TRPV3: variants seen among roughly 807,000 people sequenced by gnomAD.
TRPV3 encodes the protein VRL-3.
A neutral mutation model predicts 87.1 loss-of-function variants in TRPV3; 88 were observed. The observed-to-expected ratio is 1.01, with a 90% CI of 0.85 to 1.21. TRPV3 has a LOEUF of 1.21. Among genes scored for constraint, TRPV3 ranks in the 50% most tolerant of loss-of-function variants. TRPV3 has a pLI of 0.00. For missense variants in TRPV3, 1,054 were observed against 1,030.1 expected (o/e 1.02, Z -0.32); for synonymous variants, 438 against 423.3 (o/e 1.03, Z -0.43).
At chr17:3,519,324 TTGGATGGATGGATGGA>T (rs148324359) in intron 14 of TRPV3, among the ~76,000 whole-genome samples, 5 of 146,628 alleles carry the variant, frequency 3.4e-5, no homozygotes, top group Admixed American at 2.7e-4. Context: ...TGCTGAATGG[TTGGATGGATGGATGGA>T]TGGATGGATG....
intron 7 of TRPV3, among the ~76,000 whole-genome samples, chr17:3,534,764 G>C (rs538496534): frequency 1.2e-4 from 18 of 151,930 alleles, no homozygotes; most frequent in Non-Finnish European, 1.8e-4. Flanking sequence ...AGATGCACTG[G>C]GCCCTGGCAC....
chr17:3,542,514 C>T lies in TRPV3; in HGVS notation c.643+8G>A, dbSNP rs779506960. 1 of 1,611,818 alleles carries T rather than the reference C, an allele frequency of 6.2e-7. No individual in the cohort carries two copies. Among genetic ancestry groups the T allele is most frequent in the South Asian group, 1.1e-5 (1 of 90,592 alleles). On this transcript the variant is annotated splice_region_variant and intron_variant, in intron 6 of 17. Coordinates refer to ENST00000576742, the MANE Select transcript of TRPV3 (RefSeq NM_145068.4). Reference sequence around the variant, plus strand: ...CCTGTCTGCACAGCCCCTCTGCAGGCAGGATACCTTCATAGGCCTCCTCTG... The same window carrying T: ...CCTGTCTGCACAGCCCCTCTGCAGGTAGGATACCTTCATAGGCCTCCTCTG...
chr17:3,551,947 A>ATC (rs1241625290), intron 2 of TRPV3, among the ~76,000 whole-genome samples: 1 of 130,982 alleles, frequency 7.6e-6, no homozygotes, highest in Non-Finnish European at 1.6e-5. Context: ...CAGTGGCACA[A>ATC]TCTCAGCTCA....
rs751015109 is a variant in TRPV3 at position 3,554,747 on chromosome 17, G to T, written c.104C>A (p.Thr35Asn). 4.3e-6 allele frequency: 7 copies of T among 1,611,044 alleles called. No homozygotes were observed. The Admixed American group carries it at 6.7e-5, about 15-fold the overall frequency. Residue 35 changes from threonine to asparagine, a missense_variant, in exon 2 of 18, where the codon ACC (threonine) becomes AAC (asparagine). Physicochemically the swap from Thr to Asn is moderately conservative, Grantham distance 65. Transcript: ENST00000576742. ...ILPEKRPAEITPTKKSAHFFL... is the reference protein window; with the variant it reads ...ILPEKRPAEINPTKKSAHFFL... ...CCAAACCCACCTCTTCTTTGTGGGG[G>T]TGATCTCCGCCGGCCTCTTCTCTGG... is the stretch of plus-strand genomic sequence containing the variant.
chr17:3,524,110 A>G, intron 13 of TRPV3, 88 bp downstream of exon 13: 1 of 1,523,790 alleles, frequency 6.6e-7, no homozygotes, highest in Non-Finnish European at 8.9e-7. Context: ...CCCTTGGTAA[A>G]CCCCTCTTCC....
intron 2 of TRPV3, 114 bp from the exon 3 acceptor site, chr17:3,545,385 C>G: frequency 1.4e-6 from 1 of 708,768 alleles, no homozygotes; most frequent in Non-Finnish European, 2.4e-6. Flanking sequence ...CCCTGGCCAG[C>G]TCTGAGCCCA....
Position 3,513,913 on chromosome 17 carries a change from G to T in TRPV3, c.*4C>A, listed in dbSNP as rs369789273. 1 of 1,613,386 alleles carries T rather than the reference G, an allele frequency of 6.2e-7. No individual in the cohort carries two copies. On this transcript the variant is annotated 3_prime_UTR_variant, in exon 18 of 18. Transcript: ENST00000576742. Reference sequence around the variant, plus strand: ...CACGCGCACACCAGCTCTGGGTTCCGCTTCTACACCGAGGTTTCCGGGAAT... The same window carrying T: ...CACGCGCACACCAGCTCTGGGTTCCTCTTCTACACCGAGGTTTCCGGGAAT...
At position 3,518,918 on chromosome 17, in the gene TRPV3, A is replaced by G. The variant is rs527978779; in HGVS notation, c.1811-68T>C. On this transcript the variant is annotated intron_variant, in intron 14 of 17. Transcript: ENST00000576742. The surrounding 1 kb of genome is among the most constrained non-coding windows in gnomAD (Gnocchi z 4.3). The stretch of plus-strand genomic sequence containing the variant: ...GTAATTACTCTACAAGCTTGCGTGT[A>G]TTTGCCTACATGACAAGCCTGCTGC... 2,549 of 1,510,894 alleles carry G rather than the reference A, an allele frequency of 1.7e-3. 8 individuals carry two copies. Among genetic ancestry groups the G allele is most frequent in the Non-Finnish European group, 2.0e-3 (2,206 of 1,120,424 alleles). 93.6% of individuals were successfully genotyped at this position (1,510,894 alleles called of 1,614,324 possible). A position where few individuals can be genotyped will look rare whatever the true frequency, so the allele number is the denominator to read the frequency against.
At chr17:3,521,484 G>A (rs979916273) in intron 13 of TRPV3, among the ~76,000 whole-genome samples, 1 of 152,190 alleles carries the variant, frequency 6.6e-6, no homozygotes, top group African/African-American at 2.4e-5. Flanking sequence ...ACAGCATGAT[G>A]ACTATAGTGA....
Position 3,532,786 on chromosome 17 carries a change from C to G in TRPV3, c.936G>C (p.Thr312=). The part of the protein sequence containing the change: ...ALVTVAEDFK[T]QNDFVKRMYD... ...ACATGCGCTTCACAAAGTCATTCTGCGTCTTGAAGTCCTCGGCCACGGTCA... is the reference window on the plus strand; with the variant it reads ...ACATGCGCTTCACAAAGTCATTCTGGGTCTTGAAGTCCTCGGCCACGGTCA... Residue 312 remains threonine, a synonymous_variant, in exon 8 of 18, where the codon ACG becomes ACC. Coordinates refer to ENST00000576742, the MANE Select transcript of TRPV3 (RefSeq NM_145068.4). 6.2e-7 allele frequency: 1 copy of G among 1,614,034 alleles called. No individual in the cohort carries two copies. Among genetic ancestry groups the G allele is most frequent in the Non-Finnish European group, 8.5e-7 (1 of 1,179,968 alleles).
intron 14 of TRPV3, among the ~76,000 whole-genome samples, 176 bp from the exon 15 acceptor site, chr17:3,519,026 T>C (rs2074208895): frequency 6.6e-6 from 1 of 152,208 alleles, no homozygotes; most frequent in Admixed American, 6.5e-5. Context: ...TGGCCTGGCC[T>C]CCTGCAGAAA....
chr17:3,515,511 A>G lies in TRPV3; in HGVS notation c.2199-839T>C, dbSNP rs183591303. On this transcript the variant is annotated intron_variant, in intron 16 of 17. Coordinates refer to ENST00000576742, the MANE Select transcript of TRPV3 (RefSeq NM_145068.4). ...CCTCGTCTCTAATAAAAATACAAAAATTATCCAGGCGTGGTGGCATATGCC... is the reference window on the plus strand; with the variant it reads ...CCTCGTCTCTAATAAAAATACAAAAGTTATCCAGGCGTGGTGGCATATGCC... 9.2e-5 allele frequency among the ~76,000 whole-genome samples: 14 copies of G among 152,152 alleles called. No individual in the cohort carries two copies. The East Asian group carries it at 2.7e-3, about 29-fold the overall frequency.
intron 8 of TRPV3, 33 bp downstream of exon 8, chr17:3,532,624 G>A (rs760859159): frequency 1.4e-5 from 22 of 1,608,758 alleles, no homozygotes; most frequent in African/African-American, 4.0e-5. Flanking sequence ...CTGACCTCCC[G>A]ACCTCCTGCC....
At chr17:3,540,567 T>G (rs1355963149) in intron 6 of TRPV3, among the ~76,000 whole-genome samples, 1 of 152,220 alleles carries the variant, frequency 6.6e-6, no homozygotes, top group Non-Finnish European at 1.5e-5. Flanking sequence ...AAAAAATATG[T>G]ACTAAGCGTC....
rs765991862 is a variant in TRPV3, at chr17:3,532,930, C to T, written c.792G>A (p.Thr264=). 53 of 1,613,778 alleles carry T rather than the reference C, an allele frequency of 3.3e-5. No individual in the cohort carries two copies. Among genetic ancestry groups the T allele is most frequent in the Non-Finnish European group, 4.4e-5 (52 of 1,179,984 alleles). Residue 264 remains threonine (T), a synonymous_variant, in exon 8 of 18, where the codon ACG becomes ACA. Coordinates refer to ENST00000576742, the MANE Select transcript of TRPV3 (RefSeq NM_145068.4). ...TGGTGCATGCTGCCAGGGCCAGGGG[C>T]GTCTCACCTGGGGGATGAGCGCACT... The part of the protein sequence containing the change: ...YQHEGFYFGE[T]PLALAACTNQ...
chr17:3,521,994 T>G (rs946689611), intron 13 of TRPV3, among the ~76,000 whole-genome samples: 3 of 152,146 alleles, frequency 2.0e-5, no homozygotes, highest in African/African-American at 7.2e-5. Flanking sequence ...GAGAATTGCT[T>G]GAACCCAGGA....
At chr17:3,536,051 G>A (rs2074406411) in intron 6 of TRPV3, among the ~76,000 whole-genome samples, 1 of 152,340 alleles carries the variant, frequency 6.6e-6, no homozygotes, top group South Asian at 2.1e-4. Context: ...GCGGTACCCA[G>A]AGCAAGGGCC....
At chr17:3,538,437 C>T (rs371836642) in intron 6 of TRPV3, among the ~76,000 whole-genome samples, 1 of 74,444 alleles carries the variant, frequency 1.3e-5, no homozygotes, top group Non-Finnish European at 3.4e-5. Flanking sequence ...TGGAAAAGAA[C>T]AAAAAAAAAA....
intron 17 of TRPV3, 70 bp downstream of exon 17, chr17:3,514,523 G>C: frequency 8.7e-7 from 1 of 1,145,120 alleles, no homozygotes; most frequent in East Asian, 2.3e-5. Context: ...AGGACCCTTA[G>C]ACTTGATCTG....
Sources: allele counts gnomAD v4.1 joint callset (sites outside exome capture counted in the v4.1 genomes callset), GRCh38; gene constraint gnomAD v4.1.1; non-coding constraint Gnocchi (gnomAD v3.1); transcripts MANE v1.5; gene names NCBI Gene and HGNC (gene_info 2026-07-23, HGNC 2026-07-21).